Variants in FRMPD2 observed in about 807,000 individuals in gnomAD.
FRMPD2 encodes the protein FERM and PDZ domain-containing protein 2.
FRMPD2 carries 96 observed loss-of-function variants against 140.1 expected under a neutral mutation model. The ratio of observed to expected loss-of-function variants is 0.69; its 90% CI spans 0.58 to 0.81. The LOEUF is 0.81. Among genes scored for constraint, FRMPD2 ranks in the 40% least tolerant of loss-of-function variants. The pLI, the probability that FRMPD2 is intolerant of heterozygous loss-of-function variation, is 0.00. For synonymous variants in FRMPD2, 449 were observed against 547.6 expected (o/e 0.82, Z 2.52); for missense variants, 1,240 against 1,447.4 (o/e 0.86, Z 2.32).
chr10:48,187,284 G>C lies in FRMPD2; in HGVS notation c.2174C>G (p.Thr725Ser). Residue 725 changes from threonine to serine, a missense_variant, in exon 17 of 29, where the codon ACT (threonine) becomes AGT (serine). Around this residue, in one of 6 missense-constraint regions of FRMPD2, gnomAD observed 1,161 missense variants for 1,055.9 expected, o/e 1.10. Coordinates refer to ENST00000374201, the MANE Select transcript of FRMPD2 (RefSeq NM_001018071.4). ...GGCACTCTTCAGCTGCTCCCGGCCA[G>C]TGCAGGGGCTGCCGGGAAAAGAAAA... is the stretch of plus-strand genomic sequence containing the variant. The part of the protein sequence containing the change: ...GAEGIGRSPC[T>S]GREQLKSACV... 1.2e-6 allele frequency: 2 copies of C among 1,613,898 alleles called. No homozygotes were observed. The highest frequency in any genetic ancestry group is 1.7e-6 in the Non-Finnish European group (2 of 1,179,872).
At chr10:48,254,445 C>T (rs1164379778) in intron 1 of FRMPD2, among the ~76,000 whole-genome samples, 2 of 152,226 alleles carry the variant, frequency 1.3e-5, no homozygotes, top group Non-Finnish European at 2.9e-5. Context: ...CTGTCCCTTG[C>T]TTACCACCCT....
chr10:48,187,225 G>T lies in FRMPD2; in HGVS notation c.2233C>A (p.Leu745Ile), dbSNP rs773077942. ...ATGCTCTGAACAGGTGGTCCAGAGA[G>T]AGAGTCCCAGGTCATTGGCTTCTGG... ...VIQKPMTWDS[L>I]SGPPVQSMHA... The change falls in exon 17 of 29, where the codon CTC (leucine) becomes ATC (isoleucine). Residue 745 changes from leucine (L) to isoleucine (I), a missense_variant. Coordinates refer to ENST00000374201, the MANE Select transcript of FRMPD2 (RefSeq NM_001018071.4). The T allele has an allele frequency of 1.2e-6, 2 of 1,614,006 alleles. No homozygotes were observed. The highest frequency in any genetic ancestry group is 1.7e-6 in the Non-Finnish European group (2 of 1,179,994).
intron 10 of FRMPD2, among the ~76,000 whole-genome samples, chr10:48,227,601 C>T (rs886402234): frequency 6.6e-6 from 1 of 152,074 alleles, no homozygotes; most frequent in Non-Finnish European, 1.5e-5. Context: ...CCTCTCGTAT[C>T]CATGGTTAAG....
chr10:48,163,731 A>G (rs1838017256), intron 27 of FRMPD2, 60 bp from the exon 28 acceptor site: 2 of 1,075,432 alleles, frequency 1.9e-6, no homozygotes, highest in Admixed American at 1.7e-5. Context: ...TTTTAAAAAT[A>G]CAAAGCTTTT....
chr10:48,256,199 C>T (rs1840484103), intron 1 of FRMPD2, among the ~76,000 whole-genome samples: 1 of 152,170 alleles, frequency 6.6e-6, no homozygotes, highest in South Asian at 2.1e-4. Flanking sequence ...AAGGGCAAAG[C>T]TCGCATCTGC....
At chr10:48,194,276 C>T (rs965683943) in intron 15 of FRMPD2, among the ~76,000 whole-genome samples, 11 of 152,150 alleles carry the variant, frequency 7.2e-5, no homozygotes, top group Admixed American at 5.9e-4. Context: ...ATTATTTGCT[C>T]ATGGTCCCAA....
intron 12 of FRMPD2, among the ~76,000 whole-genome samples, chr10:48,213,648 A>G (rs1375980922): frequency 6.6e-6 from 1 of 152,222 alleles, no homozygotes; most frequent in Non-Finnish European, 1.5e-5. Flanking sequence ...AGTGCTAAAA[A>G]AAAAATGAGC....
At chr10:48,263,378 G>A (rs1343217077) in intron 1 of FRMPD2, among the ~76,000 whole-genome samples, 1 of 151,496 alleles carries the variant, frequency 6.6e-6, no homozygotes, top group East Asian at 1.9e-4. Context: ...ACTAAAAGCA[G>A]ATTATTTGAA....
At chr10:48,206,174 C>T (rs1839194965) in intron 14 of FRMPD2, among the ~76,000 whole-genome samples, 1 of 152,072 alleles carries the variant, frequency 6.6e-6, no homozygotes, top group Admixed American at 6.6e-5. Flanking sequence ...AAGTAGATTC[C>T]AAATGTTGTA....
At chr10:48,214,445 A>G (rs939005044) in intron 12 of FRMPD2, among the ~76,000 whole-genome samples, 4 of 152,180 alleles carry the variant, frequency 2.6e-5, no homozygotes, top group Admixed American at 6.5e-5. Flanking sequence ...TGGTGTGTCA[A>G]TGTAGGTTCA....
chr10:48,226,886 G>T (rs1201813645), intron 10 of FRMPD2, among the ~76,000 whole-genome samples: 1 of 152,176 alleles, frequency 6.6e-6, no homozygotes, highest in Non-Finnish European at 1.5e-5. Flanking sequence ...CTCAGACACA[G>T]CTGGAGCCTG....
At position 48,232,193 on chromosome 10, in the gene FRMPD2, C is replaced by G; in HGVS notation, c.1090G>C (p.Val364Leu). The change falls in exon 10 of 29, where the codon GTG becomes CTG. Residue 364 changes from valine (V) to leucine (L), a missense_variant. Physicochemically the swap from Val to Leu is conservative, Grantham distance 32. Around this residue, in one of 6 missense-constraint regions of FRMPD2, gnomAD observed 1,161 missense variants for 1,055.9 expected, o/e 1.10. Transcript: ENST00000374201. ...GTCACGGCATTGAAGACAGCTCCCA[C>G]TGTTGATTCAACATCACATTTTACC... ...LEVKCDVEST[V>L]GAVFNAVTSF... The G allele has an allele frequency of 6.2e-7, 1 of 1,614,202 alleles. No individual in the cohort carries two copies.
chr10:48,230,585 A>G (rs2131921611), intron 10 of FRMPD2, among the ~76,000 whole-genome samples: 1 of 152,368 alleles, frequency 6.6e-6, no homozygotes, highest in East Asian at 1.9e-4. Context: ...TACTTAGTAA[A>G]CAAATTTGTC....
At chr10:48,207,756 C>T (rs918307566) in intron 13 of FRMPD2, among the ~76,000 whole-genome samples, 7 of 152,184 alleles carry the variant, frequency 4.6e-5, no homozygotes, top group African/African-American at 1.7e-4. Flanking sequence ...ATTTGAAGCC[C>T]TCTCAGAAGG....
chr10:48,270,016 G>A (rs941406113), intron 1 of FRMPD2, among the ~76,000 whole-genome samples: 1 of 152,196 alleles, frequency 6.6e-6, no homozygotes, highest in African/African-American at 2.4e-5. Flanking sequence ...GCTGGGATAA[G>A]GGATGAAGGT....
chr10:48,231,007 C>A (rs1370844077), intron 10 of FRMPD2, among the ~76,000 whole-genome samples: 2 of 152,210 alleles, frequency 1.3e-5, no homozygotes, highest in Non-Finnish European at 2.9e-5. Context: ...TCTTTCCAAA[C>A]CTCCATGTTG....
In FRMPD2 at chr10:48,184,879, A is replaced by G. The variant is rs1588813027; in HGVS notation, c.2362T>C (p.Phe788Leu). Residue 788 changes from phenylalanine (F) to leucine (L), a missense_variant and splice_region_variant, in exon 19 of 29, where the codon TTT becomes CTT. By Grantham distance (22) the Phe-to-Leu change is conservative. This residue lies in a region of FRMPD2 where 1,161 missense variants were observed against 1,055.9 expected (regional missense o/e 1.10). Coordinates refer to ENST00000374201, the MANE Select transcript of FRMPD2 (RefSeq NM_001018071.4). The stretch of plus-strand genomic sequence containing the variant: ...GAATACTCTCCCTCATTAATGACAA[A>G]CCCTGTAATCCAAGATGATAGTCCA... Reference protein sequence around the residue: ...LKRDPHRGFGFVINEGEYSGQ... With the variant: ...LKRDPHRGFGLVINEGEYSGQ... 6.2e-7 allele frequency: 1 copy of G among 1,604,730 alleles called. No individual in the cohort carries two copies. Among genetic ancestry groups the G allele is most frequent in the South Asian group, 1.1e-5 (1 of 90,342 alleles).
rs186140307 is a variant in FRMPD2, at chr10:48,218,998, G to T, written c.1455+3315C>A. On this transcript the variant is annotated intron_variant, in intron 12 of 28. Transcript: ENST00000374201. ...GTCCAATCACCTGTGCTGGCCAAAGGTATGGGAGGATGCGAAAAAGTATCC... is the reference window on the plus strand; with the variant it reads ...GTCCAATCACCTGTGCTGGCCAAAGTTATGGGAGGATGCGAAAAAGTATCC... Among the ~76,000 whole-genome samples, 1,429 of 152,298 alleles carry T rather than the reference G, an allele frequency of 9.4e-3. 14 individuals carry two copies. The highest frequency in any genetic ancestry group is 0.014 in the Non-Finnish European group (985 of 68,028).
At chr10:48,230,517 G>C (rs1839826111) in intron 10 of FRMPD2, among the ~76,000 whole-genome samples, 1 of 152,204 alleles carries the variant, frequency 6.6e-6, no homozygotes, top group Non-Finnish European at 1.5e-5. Context: ...AGCCTACGTG[G>C]TCAACCACTA....
Sources: gnomAD v4.1 joint callset for allele counts (sites outside exome capture counted in the v4.1 genomes callset) on GRCh38, gnomAD v4.1.1 for gene constraint, gnomAD v4.1.1 regional missense constraint, MANE v1.5 for transcripts, NCBI Gene and HGNC (gene_info 2026-07-23, HGNC 2026-07-21) for gene names.